Variants in GRIK4 observed in about 807,000 individuals in gnomAD.
GRIK4 encodes glutamate receptor ionotropic, kainate 4.
A neutral mutation model predicts 104.9 loss-of-function variants in GRIK4; 40 were observed. That is an observed-to-expected ratio of 0.38 (90% CI 0.30 to 0.50). The LOEUF is 0.50. Among genes scored for constraint, GRIK4 ranks in the 20% least tolerant of loss-of-function variants. GRIK4 has a pLI of 0.93. For synonymous variants in GRIK4, 485 were observed against 524.9 expected (o/e 0.92, Z 1.04); for missense variants, 1,047 against 1,308.1 (o/e 0.80, Z 3.08).
chr11:120,751,655 C>A (rs1473908115), intron 3 of GRIK4, among the ~76,000 whole-genome samples: 3 of 152,162 alleles, frequency 2.0e-5, no homozygotes, highest in East Asian at 1.9e-4. Context: ...CACCTGGATG[C>A]AATAAAAGCA....
chr11:120,554,778 C>T (rs766815760), intron 1 of GRIK4, among the ~76,000 whole-genome samples: 39 of 152,246 alleles, frequency 2.6e-4, no homozygotes, highest in South Asian at 4.1e-4. Context: ...AGGCTGGTCT[C>T]GAACTCCTGG....
intron 8 of GRIK4, among the ~76,000 whole-genome samples, chr11:120,855,060 CAGTG>C (rs914670154): frequency 1.9e-4 from 29 of 152,308 alleles, no homozygotes; most frequent in Non-Finnish European, 3.1e-4. Flanking sequence ...AGGGACACAG[CAGTG>C]AGTGAGACAG....
chr11:120,512,827 G>C (rs963268572), intron 1 of GRIK4, among the ~76,000 whole-genome samples: 1 of 152,156 alleles, frequency 6.6e-6, no homozygotes, highest in Non-Finnish European at 1.5e-5. Context: ...GTGAGGGGAG[G>C]AGTTGGAGCC....
intron 3 of GRIK4, among the ~76,000 whole-genome samples, chr11:120,788,798 T>C (rs962802185): frequency 2.0e-5 from 3 of 150,284 alleles, no homozygotes; most frequent in African/African-American, 7.3e-5. Context: ...CCACCGATTG[T>C]CCTAATTATG....
chr11:120,965,244 T>C (rs931004458), intron 18 of GRIK4, among the ~76,000 whole-genome samples: 9 of 152,172 alleles, frequency 5.9e-5, no homozygotes, highest in African/African-American at 2.2e-4. Context: ...AGAATAAGCC[T>C]TTCATGTGGC....
intron 1 of GRIK4, among the ~76,000 whole-genome samples, chr11:120,526,199 C>T (rs1947853873): frequency 6.6e-6 from 1 of 152,050 alleles, no homozygotes; most frequent in Non-Finnish European, 1.5e-5. Flanking sequence ...CTTATGTGCA[C>T]TTCTCTTTCT....
intron 1 of GRIK4, among the ~76,000 whole-genome samples, chr11:120,633,888 C>T (rs755271626): frequency 1.3e-5 from 2 of 152,100 alleles, no homozygotes; most frequent in Non-Finnish European, 2.9e-5. Flanking sequence ...GTGTGAAAGA[C>T]GATTGCAAAC....
intron 3 of GRIK4, among the ~76,000 whole-genome samples, chr11:120,752,973 C>T (rs11606421): frequency 0.046 from 7,000 of 152,322 alleles, 221 homozygotes; most frequent in South Asian, 0.13. Flanking sequence ...GGTGCCTCCT[C>T]GTGGGCCAGT....
At chr11:120,765,632 G>A (rs1951823593) in intron 3 of GRIK4, among the ~76,000 whole-genome samples, 1 of 152,152 alleles carries the variant, frequency 6.6e-6, no homozygotes, top group Non-Finnish European at 1.5e-5. Context: ...GTGACCTTCA[G>A]ATAGAGTTTC....
intron 3 of GRIK4, among the ~76,000 whole-genome samples, chr11:120,780,068 T>A (rs912295346): frequency 2.0e-5 from 3 of 152,262 alleles, no homozygotes; most frequent in African/African-American, 7.2e-5. Context: ...ACTATTTTAC[T>A]CTAATCTCCT....
intron 1 of GRIK4, among the ~76,000 whole-genome samples, chr11:120,633,452 G>A (rs1272264975): frequency 1.3e-5 from 2 of 152,196 alleles, no homozygotes; most frequent in Admixed American, 1.3e-4. Flanking sequence ...ACATGTGTGT[G>A]CTCGCATGCA....
At chr11:120,782,980 AC>A (rs1259899008) in intron 3 of GRIK4, among the ~76,000 whole-genome samples, 1 of 152,218 alleles carries the variant, frequency 6.6e-6, no homozygotes, top group African/African-American at 2.4e-5. Context: ...AATCACACTC[AC>A]GAGGGAGGAG....
chr11:120,706,304 G>C lies in GRIK4; in HGVS notation c.82+45904G>C, dbSNP rs1488841330. Among the ~76,000 whole-genome samples the C allele has an allele frequency of 6.6e-5, 10 of 152,326 alleles. No homozygotes were observed. The East Asian group carries it at 1.9e-3, about 29-fold the overall frequency. Reference sequence around the variant, plus strand: ...CTGCCCTATGTAGAACAGATTTCTTGTCTTGTCTTTGTTTAGACCCAGTTT... The same window carrying C: ...CTGCCCTATGTAGAACAGATTTCTTCTCTTGTCTTTGTTTAGACCCAGTTT... On this transcript the variant is annotated intron_variant, in intron 3 of 20. Coordinates refer to ENST00000527524, the MANE Select transcript of GRIK4 (RefSeq NM_014619.5).
chr11:120,574,518 G>C (rs1177374987), intron 1 of GRIK4, among the ~76,000 whole-genome samples: 1 of 152,140 alleles, frequency 6.6e-6, no homozygotes, highest in Non-Finnish European at 1.5e-5. Context: ...GCCTCTGTTT[G>C]AATGTCTTCT....
intron 1 of GRIK4, among the ~76,000 whole-genome samples, chr11:120,585,160 A>G (rs1948642941): frequency 6.6e-6 from 1 of 152,168 alleles, no homozygotes; most frequent in Admixed American, 6.5e-5. Context: ...GTTGAATAAT[A>G]TTCCATTGTA....
At chr11:120,852,087 A>G (rs925480819) in intron 8 of GRIK4, among the ~76,000 whole-genome samples, 1 of 152,234 alleles carries the variant, frequency 6.6e-6, no homozygotes, top group African/African-American at 2.4e-5. Flanking sequence ...CTAAGGGGAG[A>G]GCCCGAGGTG....
rs1953991496 is a variant in GRIK4 at position 120,852,270 on chromosome 11, T to C, written c.745-9689T>C. On this transcript the variant is annotated intron_variant, in intron 8 of 20. Transcript: ENST00000527524. Reference sequence around the variant, plus strand: ...GTAAGAGGGCTTTCCACCTGGCCTCTGCCTTCCTCTTCCTGGAAGCATATG... The same window carrying C: ...GTAAGAGGGCTTTCCACCTGGCCTCCGCCTTCCTCTTCCTGGAAGCATATG... 2.0e-5 allele frequency among the ~76,000 whole-genome samples: 3 copies of C among 152,252 alleles called. No homozygotes were observed. The South Asian group carries it at 6.2e-4, about 32-fold the overall frequency.
chr11:120,871,403 G>T (rs1592014177), intron 9 of GRIK4: 1 of 352,042 alleles, frequency 2.8e-6, no homozygotes, highest in Admixed American at 3.8e-5. Flanking sequence ...ATCAAATGAA[G>T]AAGGAGCTGA....
At chr11:120,793,811 T>G (rs1281069926) in intron 3 of GRIK4, among the ~76,000 whole-genome samples, 23 of 107,656 alleles carry the variant, frequency 2.1e-4, no homozygotes, top group African/African-American at 2.6e-4. Context: ...TGAGGGGAGG[T>G]GTTGGGGCTG....
Sources: allele counts gnomAD v4.1 joint callset (sites outside exome capture counted in the v4.1 genomes callset), GRCh38; gene constraint gnomAD v4.1.1; transcripts MANE v1.5; gene names NCBI Gene and HGNC (gene_info 2026-07-23, HGNC 2026-07-21).